PATJ: variants seen among roughly 807,000 people sequenced by gnomAD.
PATJ encodes the protein PATJ crumbs cell polarity complex component, also known as inaD-like protein.
In PATJ, 190 loss-of-function variants were observed where a neutral mutation model predicts 224.9. That is an observed-to-expected ratio of 0.84 (90% confidence interval 0.75 to 0.95). The LOEUF (loss-of-function observed/expected upper bound fraction) is 0.95, where lower values mean the gene tolerates loss of function less well. PATJ is among the 40% of genes least tolerant of loss of function. The pLI, the probability that PATJ is intolerant of heterozygous loss-of-function variation, is 0.00. For missense variants in PATJ, 2,121 were observed against 2,270.3 expected, an observed-to-expected ratio of 0.93 and a Z score of 1.34; for synonymous variants, 769 against 820.3, an observed-to-expected ratio of 0.94 and a Z score of 1.07.
rs1014939428 is a variant in PATJ at position 61,890,343 on chromosome 1, T to C, written c.3131+5935T>C. Among the ~76,000 whole-genome samples, 3 of 152,090 alleles carry C rather than the reference T, an allele frequency of 2.0e-5. No individual in the cohort carries two copies. In the East Asian group the frequency reaches 5.8e-4, roughly 29 times the overall value. ...AAAAATAAAAAGTAAGCCTGATATG[T>C]TGGTGCATGCCTGTAGTCCTAACTA... is the stretch of plus-strand genomic sequence containing the variant. On this transcript the variant is annotated intron_variant, in intron 22 of 43. Coordinates refer to ENST00000642238, the MANE Select transcript of PATJ (RefSeq NM_001350145.3).
chr1:61,772,499 A>G (rs912025123), intron 6 of PATJ, among the ~76,000 whole-genome samples: 1 of 152,160 alleles, frequency 6.6e-6, no homozygotes, highest in Admixed American at 6.5e-5. Context: ...TCAGAATGCA[A>G]GCTAATAAAT....
chr1:61,895,350 A>C (rs1670205055), intron 22 of PATJ, among the ~76,000 whole-genome samples: 1 of 152,252 alleles, frequency 6.6e-6, no homozygotes, highest in Admixed American at 6.5e-5. Flanking sequence ...TCTTTGTGGC[A>C]GCTCCTCCCA....
At chr1:61,796,658 T>TTTTCTTTCTTTCTTTC (rs202216894) in intron 10 of PATJ, among the ~76,000 whole-genome samples, 6 of 103,772 alleles carry the variant, frequency 5.8e-5, no homozygotes, top group African/African-American at 1.3e-4. Context: ...TCTAAATTTA[T>TTTTCTTTCTTTCTTTC]TTTCTTTCTT....
intron 28 of PATJ, among the ~76,000 whole-genome samples, chr1:62,005,659 G>A (rs560721669): frequency 6.6e-6 from 1 of 152,228 alleles, no homozygotes; most frequent in Admixed American, 6.5e-5. Flanking sequence ...TTGGGAGGCT[G>A]AGGTGGGAGT....
chr1:61,987,594 C>T (rs1217192041), intron 27 of PATJ, among the ~76,000 whole-genome samples: 1 of 152,104 alleles, frequency 6.6e-6, no homozygotes, highest in Non-Finnish European at 1.5e-5. Flanking sequence ...CCTCTCAACC[C>T]CCCATCCCTG....
At chr1:62,073,047 G>A (rs1053575866) in intron 31 of PATJ, 15 of 985,282 alleles carry the variant, frequency 1.5e-5, no homozygotes, top group Non-Finnish European at 1.6e-5. Context: ...TGATTGGTCA[G>A]GGCATGGTGG....
chr1:61,864,179 A>G lies in PATJ; in HGVS notation c.2440-59A>G, dbSNP rs552905341. On this transcript the variant is annotated intron_variant, in intron 19 of 43. Coordinates refer to ENST00000642238, the MANE Select transcript of PATJ (RefSeq NM_001350145.3). ...CATTTGAAAATTTTCCAGTTTATCTATATAGTGCAGCTTCAGGACAGGCGT... is the reference window on the plus strand; with the variant it reads ...CATTTGAAAATTTTCCAGTTTATCTGTATAGTGCAGCTTCAGGACAGGCGT... 2.1e-5 allele frequency: 31 copies of G among 1,469,882 alleles called. No homozygotes were observed. In the African/African-American group the frequency reaches 3.4e-4, roughly 16 times the overall value. The allele number at this position is 1,469,882 out of a possible 1,614,324, so 91.1% of individuals were successfully genotyped here.
intron 21 of PATJ, among the ~76,000 whole-genome samples, chr1:61,877,600 C>T (rs188046975): frequency 6.6e-6 from 1 of 152,110 alleles, no homozygotes; most frequent in East Asian, 1.9e-4. Flanking sequence ...CCCCTTTGCG[C>T]ATGCTTTCTC....
Position 61,827,474 on chromosome 1 carries a change from T to C in PATJ, c.1871T>C (p.Leu624Pro). The part of the protein sequence containing the change: ...GKSRREAVSF[L>P]KEVPPPFTLV... ...TCTCGCCGAGAAGCAGTCTCCTTTC[T>C]TAAAGAAGTGCCACCCCCTTTTACT... The change falls in exon 16 of 44, where the codon CTT becomes CCT. Residue 624 changes from leucine to proline, a missense_variant. Leu to Pro is a moderately conservative substitution (Grantham distance 98). Coordinates refer to ENST00000642238, the MANE Select transcript of PATJ (RefSeq NM_001350145.3). The C allele has an allele frequency of 6.2e-7, 1 of 1,614,116 alleles. No individual in the cohort carries two copies. Among genetic ancestry groups the C allele is most frequent in the Non-Finnish European group, 8.5e-7 (1 of 1,180,002 alleles).
intron 21 of PATJ, among the ~76,000 whole-genome samples, chr1:61,876,796 G>A (rs992035422): frequency 3.3e-5 from 5 of 152,142 alleles, no homozygotes; most frequent in African/African-American, 9.7e-5. Context: ...GCAGAACAAT[G>A]AATTTAGAAA....
At chr1:61,919,805 A>G (rs1294319182) in intron 26 of PATJ, among the ~76,000 whole-genome samples, 2 of 151,852 alleles carry the variant, frequency 1.3e-5, no homozygotes, top group Non-Finnish European at 2.9e-5. Context: ...TTTTGTTCTT[A>G]TTTTCTAATT....
At chr1:62,141,895 G>A (rs77576368) in intron 41 of PATJ, among the ~76,000 whole-genome samples, 2,963 of 152,024 alleles carry the variant, frequency 0.019, 36 homozygotes, top group African/African-American at 0.025. Context: ...GCTTGACCAC[G>A]GGAGGCAGAG....
chr1:61,852,678 A>G (rs1663024666), intron 17 of PATJ: 1 of 152,188 alleles, frequency 6.6e-6, no homozygotes, highest in South Asian at 2.1e-4. Flanking sequence ...TTTGTTTGCT[A>G]TAACATGCAC....
Position 62,004,257 on chromosome 1 carries a change from C to G in PATJ, c.3868-13599C>G, listed in dbSNP as rs112546019. Reference sequence around the variant, plus strand: ...AAAGTGACTTTCAGAGAATCTGGTACCTAGAACACAGTGTTTAATACATGG... The same window carrying G: ...AAAGTGACTTTCAGAGAATCTGGTAGCTAGAACACAGTGTTTAATACATGG... On this transcript the variant is annotated intron_variant, in intron 28 of 43. Coordinates refer to ENST00000642238, the MANE Select transcript of PATJ (RefSeq NM_001350145.3). Among the ~76,000 whole-genome samples the G allele has an allele frequency of 5.9e-5, 9 of 152,266 alleles. 1 individual carries two copies. Among genetic ancestry groups the G allele is most frequent in the African/African-American group, 2.2e-4 (9 of 41,554 alleles).
chr1:61,937,631 G>A lies in PATJ; in HGVS notation c.3670+9802G>A, dbSNP rs1040198551. Among the ~76,000 whole-genome samples the A allele has an allele frequency of 3.4e-5, 5 of 149,208 alleles. No homozygotes were observed. In the South Asian group the frequency reaches 1.1e-3, roughly 32 times the overall value. On this transcript the variant is annotated intron_variant, in intron 27 of 43. Transcript: ENST00000642238. ...GGCAGTTTTGGAAAAGAAAGATAATGACGAGGGACTTTCTTCTTCTTTTTT... is the reference window on the plus strand; with the variant it reads ...GGCAGTTTTGGAAAAGAAAGATAATAACGAGGGACTTTCTTCTTCTTTTTT...
intron 24 of PATJ, among the ~76,000 whole-genome samples, chr1:61,907,832 T>A (rs1672064081): frequency 1.3e-5 from 2 of 152,364 alleles, no homozygotes; most frequent in Admixed American, 6.5e-5. Context: ...AAGGAACTGT[T>A]TACACTTACT....
At chr1:62,096,550 A>G (rs988036188) in intron 33 of PATJ, among the ~76,000 whole-genome samples, 2 of 152,190 alleles carry the variant, frequency 1.3e-5, no homozygotes, top group African/African-American at 2.4e-5. Flanking sequence ...ATTATATTTC[A>G]GTTATATTTT....
intron 25 of PATJ, among the ~76,000 whole-genome samples, chr1:61,910,564 T>TG (rs1425039966): frequency 2.8e-5 from 4 of 141,976 alleles, no homozygotes; most frequent in African/African-American, 8.3e-5. Flanking sequence ...TTTTTTTTTT[T>TG]GGAGACAGGG....
intron 38 of PATJ, among the ~76,000 whole-genome samples, chr1:62,122,591 G>A (rs1207910923): frequency 2.0e-5 from 3 of 151,818 alleles, no homozygotes; most frequent in South Asian, 2.1e-4. Flanking sequence ...TTGGGAGGCC[G>A]AGGCAGGTGG....
Sources: allele counts gnomAD v4.1 joint callset (sites outside exome capture counted in the v4.1 genomes callset), GRCh38; gene constraint gnomAD v4.1.1; transcripts MANE v1.5; gene names NCBI Gene and HGNC (gene_info 2026-07-23, HGNC 2026-07-21).